The following TAMM41 variants were observed in gnomAD, a reference collection of about 807,000 sequenced individuals.
The protein encoded by TAMM41 is TAM41 mitochondrial translocator assembly and maintenance homolog, also known as phosphatidate cytidylyltransferase, mitochondrial.
Under a neutral mutation model 44.1 loss-of-function variants are expected in TAMM41, and 36 were observed. That is an observed-to-expected ratio of 0.82 (90% CI 0.63 to 1.08). The LOEUF is 1.08. TAMM41 is among the 50% of genes least tolerant of loss of function. The probability of loss-of-function intolerance (pLI) is 0.00; values close to 1 mark genes in which losing one functional copy is unlikely to be tolerated. For synonymous variants in TAMM41, 164 were observed against 153.1 expected (o/e 1.07, Z -0.53); for missense variants, 417 against 404.3 (o/e 1.03, Z -0.27).
In TAMM41 at chr3:11,802,897, T is replaced by C. The variant is rs150327694; in HGVS notation, c.937+4936A>G. Among the ~76,000 whole-genome samples the C allele has an allele frequency of 3.2e-3, 493 of 152,348 alleles. 4 individuals carry two copies. The highest frequency in any genetic ancestry group is 0.011 in the African/African-American group (455 of 41,576). ...CCAGGGATGCAAGGATGGTTCAATA[T>C]ATACAAATCAATAAATGTGATACAT... On this transcript the variant is annotated intron_variant, in intron 7 of 7. Transcript: ENST00000455809.
intron 4 of TAMM41, among the ~76,000 whole-genome samples, chr3:11,818,752 G>T (rs534428013): frequency 1.3e-5 from 2 of 151,944 alleles, no homozygotes; most frequent in South Asian, 4.2e-4. Flanking sequence ...AAAAAAATTA[G>T]CCAGACGTGG....
chr3:11,725,610 T>A, the TAMM41 span, among the ~76,000 whole-genome samples: 1 of 152,098 alleles, frequency 6.6e-6, no homozygotes. Flanking sequence ...GGCTAACTTT[T>A]TGTATTTTTA....
At chr3:11,834,491 C>T (rs189571288) in intron 3 of TAMM41, among the ~76,000 whole-genome samples, 1 of 152,182 alleles carries the variant, frequency 6.6e-6, no homozygotes, top group African/African-American at 2.4e-5. Context: ...AAAGTTTGGT[C>T]ACAATGCTAT....
chr3:11,843,878 T>C, intron 2 of TAMM41, 151 bp downstream of exon 2: 1 of 768,636 alleles, frequency 1.3e-6, no homozygotes, highest in Non-Finnish European at 2.0e-6. Context: ...AGAATATACA[T>C]ACTATAAAAA....
At chr3:11,803,850 A>C (rs2077825153) in intron 7 of TAMM41, among the ~76,000 whole-genome samples, 1 of 152,234 alleles carries the variant, frequency 6.6e-6, no homozygotes, top group Admixed American at 6.5e-5. Flanking sequence ...TTCAAGTATC[A>C]CATGTTCTCA....
the TAMM41 span, among the ~76,000 whole-genome samples, chr3:11,727,249 C>G: frequency 6.6e-6 from 1 of 152,118 alleles, no homozygotes; most frequent in Admixed American, 6.5e-5. Context: ...AGAATTAAAC[C>G]CTGGTGGTCC....
At chr3:11,825,734 C>A (rs921159345) in intron 4 of TAMM41, among the ~76,000 whole-genome samples, 4 of 152,106 alleles carry the variant, frequency 2.6e-5, no homozygotes, top group Admixed American at 6.5e-5. Flanking sequence ...CCTTAACCGG[C>A]CAGATGAAAT....
chr3:11,796,285 CT>C lies in TAMM41; in HGVS notation c.938-5705del, dbSNP rs1330151631. On this transcript the variant is annotated intron_variant, in intron 7 of 7. Coordinates refer to ENST00000455809, the MANE Select transcript of TAMM41 (RefSeq NM_001284401.2). ...ATTCATCTAAATTTATAAAGCACCT[CT>C]GGATAACACCCTGGACGCTCTCATG... Among the ~76,000 whole-genome samples the C allele has an allele frequency of 5.4e-4, 82 of 152,318 alleles. 1 individual carries two copies. The highest frequency in any genetic ancestry group is 1.2e-4 in the Non-Finnish European group (8 of 68,026).
chr3:11,726,993 TATTTC>T, the TAMM41 span, among the ~76,000 whole-genome samples: 1 of 152,070 alleles, frequency 6.6e-6, no homozygotes, highest in African/African-American at 2.4e-5. Flanking sequence ...CAAATGATCT[TATTTC>T]AGGGAGAGAG....
At chr3:11,799,763 C>A (rs2077700961) in intron 7 of TAMM41, among the ~76,000 whole-genome samples, 1 of 152,016 alleles carries the variant, frequency 6.6e-6, no homozygotes, top group African/African-American at 2.4e-5. Context: ...GAATACACTG[C>A]AAAAAGGACT....
At chr3:11,767,914 C>T in the TAMM41 span, among the ~76,000 whole-genome samples, 13 of 151,378 alleles carry the variant, frequency 8.6e-5, no homozygotes, top group African/African-American at 3.1e-4. Flanking sequence ...TGAGCCACCG[C>T]GCCTGGCCAT....
At chr3:11,846,010 T>C (rs763999131) in intron 1 of TAMM41, among the ~76,000 whole-genome samples, 6 of 152,224 alleles carry the variant, frequency 3.9e-5, no homozygotes, top group Non-Finnish European at 8.8e-5. Context: ...CATTTTGCAT[T>C]TTCTCCTACA....
chr3:11,822,164 A>G (rs2078550588), intron 4 of TAMM41, among the ~76,000 whole-genome samples: 1 of 152,192 alleles, frequency 6.6e-6, no homozygotes, highest in African/African-American at 2.4e-5. Context: ...CTGTCCAGAT[A>G]TAGGCTCTAC....
chr3:11,760,707 C>A, the TAMM41 span, among the ~76,000 whole-genome samples: 1 of 151,970 alleles, frequency 6.6e-6, no homozygotes, highest in Non-Finnish European at 1.5e-5. Context: ...ACTATAGGGG[C>A]CCGCCACCAT....
the TAMM41 span, among the ~76,000 whole-genome samples, chr3:11,761,018 A>T: frequency 6.6e-6 from 1 of 151,908 alleles, no homozygotes; most frequent in East Asian, 2.0e-4. Flanking sequence ...GATACAAAAA[A>T]TTAGCCAGGC....
intron 4 of TAMM41, among the ~76,000 whole-genome samples, chr3:11,823,368 GC>G (rs1453056785): frequency 6.7e-6 from 1 of 148,630 alleles, no homozygotes; most frequent in Non-Finnish European, 1.5e-5. Flanking sequence ...CTATTCTCCT[GC>G]CTCAGCTTCC....
At chr3:11,845,857 T>A (rs1440118353) in intron 1 of TAMM41, among the ~76,000 whole-genome samples, 1 of 152,228 alleles carries the variant, frequency 6.6e-6, no homozygotes, top group Non-Finnish European at 1.5e-5. Flanking sequence ...AAAGTAACAA[T>A]GCCTAGTCTC....
the TAMM41 span, among the ~76,000 whole-genome samples, chr3:11,730,712 C>T: frequency 2.0e-5 from 3 of 151,656 alleles, no homozygotes; most frequent in Admixed American, 2.0e-4. Context: ...CCAGCCTGGG[C>T]GACAGTGTGA....
intron 7 of TAMM41, among the ~76,000 whole-genome samples, chr3:11,804,987 C>A (rs992108723): frequency 4.7e-5 from 7 of 148,582 alleles, no homozygotes; most frequent in African/African-American, 1.5e-4. Flanking sequence ...CGCACCACCA[C>A]GCCCAGCCCT....
Sources: allele counts gnomAD v4.1 joint callset (sites outside exome capture counted in the v4.1 genomes callset), GRCh38; gene constraint gnomAD v4.1.1; transcripts MANE v1.5; gene names NCBI Gene and HGNC (gene_info 2026-07-23, HGNC 2026-07-21).